Variants in PRKAR1A observed in about 807,000 individuals in gnomAD.
The protein encoded by PRKAR1A is protein kinase cAMP-dependent type I regulatory subunit alpha.
PRKAR1A carries 3 observed loss-of-function variants against 52.0 expected under a neutral mutation model. That is an observed-to-expected ratio of 0.06 (90% CI 0.03 to 0.15). The LOEUF is 0.15. PRKAR1A is among the 10% of genes least tolerant of loss of function. The pLI is 1.00. For synonymous variants in PRKAR1A, 188 were observed against 168.4 expected (o/e 1.12, Z -0.90); for missense variants, 240 against 477.4 (o/e 0.50, Z 4.63).
At chr17:68,433,784 T>TG in the PRKAR1A span, among the ~76,000 whole-genome samples, 5 of 86,936 alleles carry the variant, frequency 5.8e-5, no homozygotes, top group African/African-American at 2.0e-4. Context: ...TTTTTTTTTT[T>TG]TTTTTTTTTT....
chr17:68,549,113 C>G (rs930422957), intron 11 of PRKAR1A, among the ~76,000 whole-genome samples: 32 of 152,304 alleles, frequency 2.1e-4, no homozygotes, highest in African/African-American at 7.2e-4. Flanking sequence ...AAAGGAAATG[C>G]TACAGGTTCT....
At chr17:68,444,376 C>T in the PRKAR1A span, 8 of 901,990 alleles carry the variant, frequency 8.9e-6, no homozygotes, top group Non-Finnish European at 1.4e-5. Flanking sequence ...ATAAACCTCA[C>T]TAAGACTCAA....
the PRKAR1A span, among the ~76,000 whole-genome samples, chr17:68,485,423 C>T: frequency 8.7e-4 from 132 of 152,298 alleles, no homozygotes; most frequent in Middle Eastern, 6.8e-3. Flanking sequence ...GGGAAGACAT[C>T]TGTTACTTCT....
At chr17:68,443,797 T>C in the PRKAR1A span, among the ~76,000 whole-genome samples, 2 of 152,226 alleles carry the variant, frequency 1.3e-5, no homozygotes, top group Admixed American at 6.5e-5. Context: ...CAAATATTAA[T>C]CTGGAGTCAT....
chr17:68,420,572 G>A, the PRKAR1A span: 14 of 1,336,922 alleles, frequency 1.0e-5, 1 homozygote, highest in East Asian at 1.6e-4. Context: ...TAGTCTTGGA[G>A]TTTAGTTTTG....
chr17:68,506,484 T>G, the PRKAR1A span, among the ~76,000 whole-genome samples: 2 of 150,194 alleles, frequency 1.3e-5, no homozygotes, highest in Admixed American at 1.3e-4. Context: ...ACTGTGAAAT[T>G]TTTTTTTTCT....
At chr17:68,497,772 G>GA in the PRKAR1A span, among the ~76,000 whole-genome samples, 1 of 152,214 alleles carries the variant, frequency 6.6e-6, no homozygotes, top group Non-Finnish European at 1.5e-5. Context: ...CTAGAACCCA[G>GA]GGAGGTTGAC....
chr17:68,435,228 T>C, the PRKAR1A span, among the ~76,000 whole-genome samples: 12,995 of 149,974 alleles, frequency 0.087, 712 homozygotes, highest in South Asian at 0.21. Flanking sequence ...AAAAATTCAA[T>C]TGGATCACTT....
At chr17:68,428,756 T>A in the PRKAR1A span, 1 of 1,192,960 alleles carries the variant, frequency 8.4e-7, no homozygotes. Context: ...CTGAAGCTTG[T>A]CGTTCTTGGC....
At position 68,543,623 on chromosome 17, in the gene PRKAR1A, C is replaced by G. The variant is rs1396642639; in HGVS notation, c.974-7461C>G. ...GCAATGCCATCTCCATGGGGCCAGA[C>G]CCTACCTGTCCAGATGGAAAGCTGC... On this transcript the variant is annotated intron_variant, in intron 11 of 11. Transcript: ENST00000585981. The G allele has an allele frequency of 1.9e-6, 3 of 1,613,864 alleles. No individual in the cohort carries two copies. In the Admixed American group the frequency reaches 5.0e-5, roughly 27 times the overall value.
At chr17:68,470,123 C>G in the PRKAR1A span, among the ~76,000 whole-genome samples, 1 of 150,884 alleles carries the variant, frequency 6.6e-6, no homozygotes, top group Admixed American at 6.6e-5. Flanking sequence ...CACTCTGTCA[C>G]TCAGGCTGGA....
At chr17:68,529,791 C>A in intron 9 of PRKAR1A, 129 bp from the exon 10 acceptor site, 1 of 908,374 alleles carries the variant, frequency 1.1e-6, no homozygotes, top group Non-Finnish European at 1.8e-6. Context: ...CATGTGGTGA[C>A]TAACTTTAAA....
At chr17:68,541,401 T>C in intron 11 of PRKAR1A, 1 of 221,670 alleles carries the variant, frequency 4.5e-6, no homozygotes, top group South Asian at 6.9e-5. Context: ...ATCCGAGGGC[T>C]CTTCTCAGCC....
At chr17:68,501,986 G>A in the PRKAR1A span, among the ~76,000 whole-genome samples, 11 of 151,998 alleles carry the variant, frequency 7.2e-5, no homozygotes, top group Non-Finnish European at 1.3e-4. Context: ...AGGTTCTCTC[G>A]CTCTTATTTT....
the PRKAR1A span, chr17:68,450,809 G>A: frequency 1.1e-5 from 18 of 1,614,034 alleles, no homozygotes; most frequent in Middle Eastern, 1.6e-4. Flanking sequence ...AGTGATACAC[G>A]TTCATCTGCC....
the PRKAR1A span, chr17:68,450,700 T>C: frequency 6.3e-7 from 1 of 1,585,232 alleles, no homozygotes; most frequent in Non-Finnish European, 8.6e-7. Flanking sequence ...GCAGAAGCTT[T>C]GAAACCCTGA....
downstream of PRKAR1A, chr17:68,536,816 C>T: frequency 2.2e-6 from 1 of 454,030 alleles, no homozygotes; most frequent in South Asian, 1.6e-5. Flanking sequence ...AATTGTAATA[C>T]TCTTCAAATT....
At chr17:68,534,560 C>CTTTTTTTTTTTTTTTTTTTTT (rs34994040), downstream of PRKAR1A, among the ~76,000 whole-genome samples, 1 of 111,048 alleles carries the variant, frequency 9.0e-6, no homozygotes, top group Non-Finnish European at 1.8e-5. Flanking sequence ...TTTTTAGTGC[C>CTTTTTTTTTTTTTTTTTTTTT]TTTTTTTTTT....
At chr17:68,493,444 C>T in the PRKAR1A span, among the ~76,000 whole-genome samples, 1 of 151,802 alleles carries the variant, frequency 6.6e-6, no homozygotes, top group Non-Finnish European at 1.5e-5. Flanking sequence ...GGGAGAAGCT[C>T]ATGGAATAGC....
Sources: gnomAD v4.1 joint callset for allele counts (sites outside exome capture counted in the v4.1 genomes callset) on GRCh38, gnomAD v4.1.1 for gene constraint, MANE v1.5 for transcripts, NCBI Gene and HGNC (gene_info 2026-07-23, HGNC 2026-07-21) for gene names.